KATNIP: variants seen among roughly 807,000 people sequenced by gnomAD.
KATNIP encodes katanin interacting protein.
Under a neutral mutation model 174.0 loss-of-function variants are expected in KATNIP, and 126 were observed. That is an observed-to-expected ratio of 0.72 (90% CI 0.63 to 0.84). KATNIP has a LOEUF of 0.84. KATNIP is among the 40% of genes least tolerant of loss of function. KATNIP has a pLI of 0.00. For missense variants in KATNIP, 1,958 were observed against 2,109.7 expected, an observed-to-expected ratio of 0.93 and a Z score of 1.41; for synonymous variants, 810 against 835.7, an observed-to-expected ratio of 0.97 and a Z score of 0.53.
chr16:27,552,114 T>C, intron 1 of KATNIP, among the ~76,000 whole-genome samples: 1 of 152,180 alleles, frequency 6.6e-6, no homozygotes, highest in South Asian at 2.1e-4. Flanking sequence ...TACATTTGCC[T>C]CCAAAAAATT....
rs61742593 is a variant in KATNIP at position 27,761,559 on chromosome 16, G to A, written c.3778G>A (p.Glu1260Lys). Residue 1260 changes from glutamate to lysine, a missense_variant, in exon 19 of 28, where the codon GAG becomes AAG. Around this residue, in one of 3 missense-constraint regions of KATNIP, gnomAD observed 1,557 missense variants for 1,617.8 expected, o/e 0.96. Coordinates refer to ENST00000261588, the MANE Select transcript of KATNIP (RefSeq NM_015202.5). ...ASPRDLNELP[E>K]YSDDSRALDK... ...CCCCAGAGACTTAAATGAGCTCCCC[G>A]AGTACTCTGACGACTCCCGGGCCCT... 0.035 allele frequency: 56,408 copies of A among 1,613,774 alleles called. 1,152 individuals are homozygous for A. Among genetic ancestry groups the A allele is most frequent in the Non-Finnish European group, 0.041 (48,008 of 1,179,778 alleles).
intron 8 of KATNIP, among the ~76,000 whole-genome samples, chr16:27,696,390 A>G (rs1399361215): frequency 6.6e-6 from 1 of 152,038 alleles, no homozygotes; most frequent in African/African-American, 2.4e-5. Context: ...GGTTTGTTAC[A>G]TAGGTCAACT....
intron 1 of KATNIP, among the ~76,000 whole-genome samples, chr16:27,553,148 G>A (rs991082381): frequency 5.9e-5 from 9 of 152,178 alleles, no homozygotes; most frequent in African/African-American, 1.2e-4. Context: ...GCCATTGGTC[G>A]TTTAGAAAAT....
At chr16:27,677,614 A>G (rs1029538069) in intron 6 of KATNIP, 115 bp from the exon 7 acceptor site, 1 of 1,096,870 alleles carries the variant, frequency 9.1e-7, no homozygotes, top group Non-Finnish European at 1.3e-6. Flanking sequence ...TTGAGATAAT[A>G]TTGTTAAATG....
intron 6 of KATNIP, among the ~76,000 whole-genome samples, chr16:27,665,138 T>C (rs2077639064): frequency 6.6e-6 from 1 of 151,620 alleles, no homozygotes; most frequent in African/African-American, 2.4e-5. Context: ...TTTTTTTTTT[T>C]TTTCTTGAGA....
At chr16:27,655,226 ATATT>A (rs1421751613) in intron 6 of KATNIP, among the ~76,000 whole-genome samples, 1 of 63,074 alleles carries the variant, frequency 1.6e-5, no homozygotes, top group Non-Finnish European at 3.1e-5. Flanking sequence ...ATATATATAT[ATATT>A]TTGTTTGTTT....
At chr16:27,705,854 A>T (rs1175764606) in intron 12 of KATNIP, among the ~76,000 whole-genome samples, 3 of 151,836 alleles carry the variant, frequency 2.0e-5, no homozygotes, top group Non-Finnish European at 4.4e-5. Context: ...TTTTAAAAAA[A>T]TTTTGTAGAG....
intron 6 of KATNIP, among the ~76,000 whole-genome samples, chr16:27,653,452 T>C (rs748514219): frequency 9.0e-5 from 13 of 145,020 alleles, no homozygotes; most frequent in Non-Finnish European, 1.7e-4. Flanking sequence ...CTGCAGCACA[T>C]CCCTTCAGTC....
intron 14 of KATNIP, among the ~76,000 whole-genome samples, chr16:27,738,826 A>C (rs1447810800): frequency 6.6e-6 from 1 of 152,202 alleles, no homozygotes; most frequent in East Asian, 1.9e-4. Context: ...GCATGTGGAC[A>C]GTGCCCTGCC....
intron 20 of KATNIP, among the ~76,000 whole-genome samples, chr16:27,769,032 A>G (rs1410781077): frequency 3.9e-5 from 6 of 152,386 alleles, no homozygotes; most frequent in Non-Finnish European, 7.3e-5. Context: ...GGGCCGCCTC[A>G]GACTCTACCA....
At chr16:27,671,172 G>A (rs971752654) in intron 6 of KATNIP, among the ~76,000 whole-genome samples, 8 of 152,038 alleles carry the variant, frequency 5.3e-5, no homozygotes, top group Non-Finnish European at 8.8e-5. Context: ...CAGCCTGGGC[G>A]ACAGAGCAAG....
chr16:27,750,267 G>A lies in KATNIP; in HGVS notation c.3307G>A (p.Glu1103Lys). 1.9e-6 allele frequency: 3 copies of A among 1,613,832 alleles called. No homozygotes were observed. Among genetic ancestry groups the A allele is most frequent in the Non-Finnish European group, 2.5e-6 (3 of 1,179,818 alleles). The change falls in exon 16 of 28, where the codon GAA (glutamate) becomes AAA (lysine). Residue 1103 changes from glutamate (E) to lysine (K), a missense_variant. Physicochemically the swap from Glu to Lys is moderately conservative, Grantham distance 56. This residue lies in a region of KATNIP where 1,557 missense variants were observed against 1,617.8 expected (regional missense o/e 0.96). Transcript: ENST00000261588. Reference sequence around the variant, plus strand: ...GCTGTTAGACACCCAGTGCATCTTTGAAGGAGAAATCGCCAAGGCCTCTGG... The same window carrying A: ...GCTGTTAGACACCCAGTGCATCTTTAAAGGAGAAATCGCCAAGGCCTCTGG... Reference protein sequence around the residue: ...TMLLDTQCIFEGEIAKASGTL... With the variant: ...TMLLDTQCIFKGEIAKASGTL...
intron 2 of KATNIP, among the ~76,000 whole-genome samples, chr16:27,581,281 G>C (rs1453649472): frequency 1.3e-5 from 2 of 152,210 alleles, no homozygotes; most frequent in Admixed American, 1.3e-4. Context: ...AGACATCCCT[G>C]TGCACATAGG....
chr16:27,750,421 T>A, intron 16 of KATNIP, 115 bp downstream of exon 16: 10 of 470,170 alleles, frequency 2.1e-5, no homozygotes, highest in South Asian at 6.5e-5. Context: ...TTCTCTTTCT[T>A]TTTTTTTTTT....
At chr16:27,707,861 T>A (rs1597236670) in intron 12 of KATNIP, among the ~76,000 whole-genome samples, 2 of 152,232 alleles carry the variant, frequency 1.3e-5, no homozygotes, top group Admixed American at 1.3e-4. Flanking sequence ...TTTCCTCTTA[T>A]AAGGACACCA....
intron 2 of KATNIP, among the ~76,000 whole-genome samples, chr16:27,578,471 G>A (rs1316792780): frequency 6.6e-6 from 1 of 152,228 alleles, no homozygotes; most frequent in Non-Finnish European, 1.5e-5. Flanking sequence ...CCAAAGAAGA[G>A]AATGATAAAC....
At chr16:27,738,552 C>T (rs371489568) in intron 14 of KATNIP, among the ~76,000 whole-genome samples, 6 of 152,216 alleles carry the variant, frequency 3.9e-5, no homozygotes, top group East Asian at 3.9e-4. Context: ...GTTGAACCTG[C>T]GTGACATAGG....
chr16:27,773,326 A>G (rs954363050), intron 23 of KATNIP, 117 bp downstream of exon 23: 1 of 673,780 alleles, frequency 1.5e-6, no homozygotes, highest in East Asian at 2.8e-5. Flanking sequence ...ACCAGAGCCC[A>G]GGGGGCTTTG....
At chr16:27,759,711 A>G (rs2081882408) in intron 18 of KATNIP, among the ~76,000 whole-genome samples, 1 of 152,158 alleles carries the variant, frequency 6.6e-6, no homozygotes, top group Admixed American at 6.5e-5. Flanking sequence ...TCAAGCCCCG[A>G]GTGCTTTACA....
Sources: gnomAD v4.1 joint callset for allele counts (sites outside exome capture counted in the v4.1 genomes callset) on GRCh38, gnomAD v4.1.1 for gene constraint, gnomAD v4.1.1 regional missense constraint, MANE v1.5 for transcripts, NCBI Gene and HGNC (gene_info 2026-07-23, HGNC 2026-07-21) for gene names.